The following ZNF608 variants were observed in gnomAD, a reference collection of about 807,000 sequenced individuals.
ZNF608 encodes the protein zinc finger protein 608, also known as renal carcinoma antigen NY-REN-36.
Under a neutral mutation model 109.0 loss-of-function variants are expected in ZNF608, and 12 were observed. That is an observed-to-expected ratio of 0.11 (90% CI 0.07 to 0.18). The LOEUF (loss-of-function observed/expected upper bound fraction) is 0.18, where lower values mean the gene tolerates loss of function less well. Ranked by LOEUF, ZNF608 falls within the 10% of genes least tolerant of loss-of-function variation. The pLI is 1.00. For synonymous variants in ZNF608, 732 were observed against 717.4 expected, an observed-to-expected ratio of 1.02 and a Z score of -0.33; for missense variants, 1,707 against 1,879.3, an observed-to-expected ratio of 0.91 and a Z score of 1.70.
chr5:124,696,877 G>A (rs1752869452), intron 3 of ZNF608, among the ~76,000 whole-genome samples: 1 of 152,160 alleles, frequency 6.6e-6, no homozygotes, highest in South Asian at 2.1e-4. Context: ...TTTGCCATGA[G>A]ACAGTGGTTC....
At chr5:124,707,308 C>G (rs561328389) in intron 2 of ZNF608, among the ~76,000 whole-genome samples, 1 of 152,088 alleles carries the variant, frequency 6.6e-6, no homozygotes, top group African/African-American at 2.4e-5. Flanking sequence ...AAGGAGAAGG[C>G]GAAACCCAGG....
chr5:124,642,264 T>C (rs1317017799), intron 7 of ZNF608, among the ~76,000 whole-genome samples: 2 of 152,210 alleles, frequency 1.3e-5, no homozygotes, highest in South Asian at 4.1e-4. Context: ...GTCACCTTTT[T>C]TGGGGAAGAG....
intron 3 of ZNF608, among the ~76,000 whole-genome samples, chr5:124,693,469 C>T (rs1752699211): frequency 6.6e-6 from 1 of 152,128 alleles, no homozygotes; most frequent in Non-Finnish European, 1.5e-5. Flanking sequence ...TTAAAGTTTT[C>T]CATTATATAT....
rs760708957 is a variant in ZNF608, at chr5:124,744,982, A to G, written c.8T>C (p.Val3Ala). Residue 3 changes from valine (V) to alanine (A), a missense_variant, in exon 2 of 10, where the codon GTG becomes GCG. This residue lies in a region of ZNF608 where 18 missense variants were observed against 20.9 expected (regional missense o/e 0.86). Coordinates refer to ENST00000513986, the MANE Select transcript of ZNF608 (RefSeq NM_020747.3). The surrounding 1 kb of genome is among the most constrained non-coding windows in gnomAD (Gnocchi z 4.5). MSVNISTAGKGVD... is the reference protein window; with the variant it reads MSANISTAGKGVD... ...ACCTTTTCCTGCAGTAGAAATGTTC[A>G]CTGACATCCTGAAGATGAGCTCTCT... 9.3e-6 allele frequency: 15 copies of G among 1,606,186 alleles called. No homozygotes were observed. Among genetic ancestry groups the G allele is most frequent in the Non-Finnish European group, 1.0e-5 (12 of 1,175,932 alleles).
intron 2 of ZNF608, among the ~76,000 whole-genome samples, chr5:124,732,842 A>T (rs750154506): frequency 4.6e-5 from 7 of 152,148 alleles, no homozygotes; most frequent in Non-Finnish European, 1.0e-4. Flanking sequence ...AAGTGAGCAA[A>T]CAGGAAGATT....
chr5:124,647,563 C>G lies in ZNF608; in HGVS notation c.2821G>C (p.Asp941His). ...AAKTSSPAYSDISDAADDGGS... is the reference protein window; with the variant it reads ...AAKTSSPAYSHISDAADDGGS... ...CCATCGTCAGCAGCATCAGATATGTCTGAATAGGCCGGGCTGCTTGTCTTT... is the reference window on the plus strand; with the variant it reads ...CCATCGTCAGCAGCATCAGATATGTGTGAATAGGCCGGGCTGCTTGTCTTT... The change falls in exon 5 of 10, where the codon GAC (aspartate) becomes CAC (histidine). Residue 941 changes from aspartate (D) to histidine (H), a missense_variant. By Grantham distance (81) the Asp-to-His change is moderately conservative. Coordinates refer to ENST00000513986, the MANE Select transcript of ZNF608 (RefSeq NM_020747.3). 6.2e-7 allele frequency: 1 copy of G among 1,614,236 alleles called. No homozygotes were observed. Among genetic ancestry groups the G allele is most frequent in the Non-Finnish European group, 8.5e-7 (1 of 1,180,050 alleles).
At chr5:124,712,208 G>A (rs1010842305) in intron 2 of ZNF608, among the ~76,000 whole-genome samples, 1 of 152,076 alleles carries the variant, frequency 6.6e-6, no homozygotes, top group Admixed American at 6.6e-5. Flanking sequence ...TGGTGGGGTG[G>A]GGGGATAGGG....
chr5:124,727,171 T>C (rs1321311974), intron 2 of ZNF608, among the ~76,000 whole-genome samples: 1 of 152,170 alleles, frequency 6.6e-6, no homozygotes, highest in Non-Finnish European at 1.5e-5. Flanking sequence ...GTAAATTTCT[T>C]CTCCACTGTG....
intron 2 of ZNF608, among the ~76,000 whole-genome samples, chr5:124,709,700 G>A (rs959857271): frequency 6.6e-6 from 1 of 152,184 alleles, no homozygotes; most frequent in African/African-American, 2.4e-5. Flanking sequence ...AGAGAGCTGT[G>A]TGTGCTTTAA....
Position 124,717,853 on chromosome 5 carries a change from G to T in ZNF608, c.907-16584C>A, listed in dbSNP as rs528217123. On this transcript the variant is annotated intron_variant, in intron 2 of 9. Transcript: ENST00000513986. ...AGTTCTGGACAGATGGGGGACTCTG[G>T]GTGTGTCTGTGGCCAGGCAAGTGTC... 2.6e-5 allele frequency among the ~76,000 whole-genome samples: 4 copies of T among 152,254 alleles called. No individual in the cohort carries two copies. In the South Asian group the frequency reaches 8.3e-4, roughly 32 times the overall value.
chr5:124,651,824 G>A (rs1266197191), intron 3 of ZNF608, among the ~76,000 whole-genome samples: 1 of 152,244 alleles, frequency 6.6e-6, no homozygotes, highest in Non-Finnish European at 1.5e-5. Context: ...GTAGAGGTGA[G>A]CGTGGCGGAG....
chr5:124,709,537 G>A (rs1753408098), intron 2 of ZNF608, among the ~76,000 whole-genome samples: 1 of 152,150 alleles, frequency 6.6e-6, no homozygotes, highest in Admixed American at 6.5e-5. Flanking sequence ...AGCGATATTG[G>A]TGGAGGCGGA....
intron 3 of ZNF608, among the ~76,000 whole-genome samples, chr5:124,682,128 A>G (rs569230939): frequency 6.6e-6 from 1 of 152,270 alleles, no homozygotes; most frequent in African/African-American, 2.4e-5. Context: ...GCTAGAGTGC[A>G]ATGGTGCAAT....
intron 2 of ZNF608, among the ~76,000 whole-genome samples, chr5:124,731,997 ACT>A (rs1476398016): frequency 6.6e-6 from 1 of 152,100 alleles, no homozygotes; most frequent in Non-Finnish European, 1.5e-5. Flanking sequence ...AATTTTTTAC[ACT>A]CTCTTTGCTC....
At chr5:124,640,235 T>C (rs1750175476) in intron 8 of ZNF608, among the ~76,000 whole-genome samples, 1 of 152,252 alleles carries the variant, frequency 6.6e-6, no homozygotes, top group Admixed American at 6.5e-5. Flanking sequence ...TGCAATAGAC[T>C]AAATTATGTC....
At chr5:124,711,539 G>A (rs932423251) in intron 2 of ZNF608, among the ~76,000 whole-genome samples, 12 of 152,176 alleles carry the variant, frequency 7.9e-5, no homozygotes, top group African/African-American at 2.2e-4. Context: ...GTGGCATAAG[G>A]ACCTAGTTTG....
intron 2 of ZNF608, among the ~76,000 whole-genome samples, chr5:124,715,835 A>C (rs1186474983): frequency 6.6e-6 from 1 of 152,124 alleles, no homozygotes; most frequent in Non-Finnish European, 1.5e-5. Flanking sequence ...TTTTTCTCAT[A>C]TTTTATAGCT....
chr5:124,669,895 C>T (rs1355763459), intron 3 of ZNF608, among the ~76,000 whole-genome samples: 1 of 152,180 alleles, frequency 6.6e-6, no homozygotes, highest in Admixed American at 6.5e-5. Flanking sequence ...CTAAGATATA[C>T]ATAAACTGTG....
In ZNF608 at chr5:124,647,969, C is replaced by T. The variant is rs1750607536; in HGVS notation, c.2415G>A (p.Leu805=). The change falls in exon 5 of 10, where the codon CTG becomes CTA. Residue 805 remains leucine, a synonymous_variant. Coordinates refer to ENST00000513986, the MANE Select transcript of ZNF608 (RefSeq NM_020747.3). ...TTTTCTTTTTGTCTTTGAGTGACAC[C>T]AGAGCTGGGTTCACGGTGATGGGCT... is the stretch of plus-strand genomic sequence containing the variant. The part of the protein sequence containing the change: ...MGEPITVNPA[L]VSLKDKKKKE... 6.2e-7 allele frequency: 1 copy of T among 1,614,074 alleles called. No homozygotes were observed. Among genetic ancestry groups the T allele is most frequent in the South Asian group, 1.1e-5 (1 of 91,086 alleles).
Sources: gnomAD v4.1 joint callset for allele counts (sites outside exome capture counted in the v4.1 genomes callset) on GRCh38, gnomAD v4.1.1 for gene constraint, gnomAD v4.1.1 regional missense constraint, Gnocchi (gnomAD v3.1) non-coding constraint, MANE v1.5 for transcripts, NCBI Gene and HGNC (gene_info 2026-07-23, HGNC 2026-07-21) for gene names.